SLX4: variants seen among roughly 807,000 people sequenced by gnomAD.
The protein encoded by SLX4 is structure-specific endonuclease subunit SLX4.
In SLX4, 112 loss-of-function variants were observed where a neutral mutation model predicts 146.2. The observed-to-expected ratio is 0.77, with a 90% confidence interval of 0.66 to 0.90. SLX4 has a LOEUF of 0.90. Among genes scored for constraint, SLX4 ranks in the 40% least tolerant of loss-of-function variants. The probability of loss-of-function intolerance (pLI) is 0.00; values close to 1 mark genes in which losing one functional copy is unlikely to be tolerated. For synonymous variants in SLX4, 1,061 were observed against 997.7 expected (o/e 1.06, Z -1.20); for missense variants, 2,563 against 2,392.7 (o/e 1.07, Z -1.49).
At chr16:3,594,675 A>G in intron 9 of SLX4, 76 bp from the exon 10 acceptor site, 3 of 1,601,858 alleles carry the variant, frequency 1.9e-6, no homozygotes, top group Non-Finnish European at 2.6e-6. Context: ...AGCTCCCCGC[A>G]TGGAGGTGGC....
Position 3,582,429 on chromosome 16 carries a change from G to C in SLX4, c.5418C>G (p.Ile1806Met), listed in dbSNP as rs886051976. The C allele has an allele frequency of 6.2e-7, 1 of 1,613,918 alleles. No homozygotes were observed. The highest frequency in any genetic ancestry group is 8.5e-7 in the Non-Finnish European group (1 of 1,180,030). ...RLLDFLDTHC[I>M]TFTTAATRRE... is the part of the protein sequence containing the mutation. ...TGCGGGTGGCGGCAGTGGTGAAGGT[G>C]ATACAGTGGGTGTCCAGGAAGTCCA... The change falls in exon 15 of 15, where the codon ATC becomes ATG. Residue 1806 changes from isoleucine to methionine, a missense_variant. Transcript: ENST00000294008.
chr16:3,601,555 G>C, intron 4 of SLX4: 1 of 356,934 alleles, frequency 2.8e-6, no homozygotes, highest in Non-Finnish European at 5.4e-6. Context: ...CCAAATGTCC[G>C]CCAATGGACG....
rs762537598 is a variant in SLX4 at position 3,608,956 on chromosome 16, C to G, written c.9G>C (p.Leu3=). MK[L]SVNEAQLGFY... is the part of the protein sequence containing the mutation. ...AGCCTAGCTGAGCCTCATTCACACT[C>G]AGTTTCATTAGGGTTCTTCTCTACT... The change falls in exon 2 of 15, where the codon CTG becomes CTC. Residue 3 remains leucine (L), a synonymous_variant. Transcript: ENST00000294008. The G allele has an allele frequency of 6.2e-7, 1 of 1,613,186 alleles. No homozygotes were observed. Among genetic ancestry groups the G allele is most frequent in the Admixed American group, 1.7e-5 (1 of 60,024 alleles).
rs1410941863 is a variant in SLX4, at chr16:3,600,387, A to G, written c.1163+592T>C. Among the ~76,000 whole-genome samples, 6 of 152,124 alleles carry G rather than the reference A, an allele frequency of 3.9e-5. No homozygotes were observed. In the East Asian group the frequency reaches 1.2e-3, roughly 29 times the overall value. Reference sequence around the variant, plus strand: ...ACTAGAGGGTACCGACTGTGGGATCATGGGATTGGAAACTCAGGAAGGACC... The same window carrying G: ...ACTAGAGGGTACCGACTGTGGGATCGTGGGATTGGAAACTCAGGAAGGACC... On this transcript the variant is annotated intron_variant, in intron 5 of 14. Coordinates refer to ENST00000294008, the MANE Select transcript of SLX4 (RefSeq NM_032444.4).
chr16:3,593,087 T>C (rs1596524167), intron 10 of SLX4, among the ~76,000 whole-genome samples: 2 of 152,176 alleles, frequency 1.3e-5, no homozygotes, highest in East Asian at 3.9e-4. Flanking sequence ...TTTTATTATT[T>C]TGAGTTGGAA....
chr16:3,611,295 C>A (rs1296158270), intron 1 of SLX4, among the ~76,000 whole-genome samples: 1 of 152,224 alleles, frequency 6.6e-6, no homozygotes, highest in African/African-American at 2.4e-5. Flanking sequence ...ACGGAGAACC[C>A]CGATCCCCGG....
Position 3,608,858 on chromosome 16 carries a change from T to C in SLX4, c.107A>G (p.Glu36Gly), listed in dbSNP as rs370082083. Reference protein sequence around the residue: ...IDPRSSEDQPESLKTGQMMDE... With the variant: ...IDPRSSEDQPGSLKTGQMMDE... ...CATCATCTGACCAGTTTTAAGGCTT[T>C]CAGGCTGGTCTTCAGAGGAGCGAGG... is the stretch of plus-strand genomic sequence containing the variant. The change falls in exon 2 of 15, where the codon GAA becomes GGA. Residue 36 changes from glutamate (E) to glycine (G), a missense_variant. Glu to Gly is a moderately conservative substitution (Grantham distance 98, BLOSUM62 -2). Coordinates refer to ENST00000294008, the MANE Select transcript of SLX4 (RefSeq NM_032444.4). The C allele has an allele frequency of 1.9e-6, 3 of 1,614,076 alleles. No individual in the cohort carries two copies. Among genetic ancestry groups the C allele is most frequent in the South Asian group, 1.1e-5 (1 of 91,090 alleles).
rs758007505 is a variant in SLX4 at position 3,590,884 on chromosome 16, G to C, written c.2754C>G (p.Thr918=). The part of the protein sequence containing the change: ...PLEPGRDEAA[T]TWEKMGQCAL... ...CGCACTGTCCCATCTTCTCCCAGGT[G>C]GTGGCGGCCTCATCTCTTCCTGGCT... Residue 918 remains threonine, a synonymous_variant, in exon 12 of 15, where the codon ACC becomes ACG. Coordinates refer to ENST00000294008, the MANE Select transcript of SLX4 (RefSeq NM_032444.4). The surrounding 1 kb of genome is among the most constrained non-coding windows in gnomAD (Gnocchi z 4.8). 17 of 1,614,090 alleles carry C rather than the reference G, an allele frequency of 1.1e-5. No homozygotes were observed. Among genetic ancestry groups the C allele is most frequent in the Non-Finnish European group, 1.3e-5 (15 of 1,180,002 alleles).
Position 3,582,286 on chromosome 16 carries a change from A to G in SLX4, c.*56T>C, listed in dbSNP as rs2040444855. 5 of 1,511,192 alleles carry G rather than the reference A, an allele frequency of 3.3e-6. No individual in the cohort carries two copies. Among genetic ancestry groups the G allele is most frequent in the African/African-American group, 1.4e-5 (1 of 73,300 alleles). The allele number at this position is 1,511,192 out of a possible 1,614,324, so 93.6% of individuals were successfully genotyped here. A position where few individuals can be genotyped will look rare whatever the true frequency, so the allele number is the denominator to read the frequency against. Reference sequence around the variant, plus strand: ...CTGGGTGTCCCAGGTCCTCCCTGCAAATGGCGGGGGTGGGGGCTGCTGATG... The same window carrying G: ...CTGGGTGTCCCAGGTCCTCCCTGCAGATGGCGGGGGTGGGGGCTGCTGATG... On this transcript the variant is annotated 3_prime_UTR_variant, in exon 15 of 15. Transcript: ENST00000294008.
chr16:3,598,649 G>A (rs1310356986), intron 5 of SLX4, among the ~76,000 whole-genome samples: 2 of 152,216 alleles, frequency 1.3e-5, no homozygotes, highest in Non-Finnish European at 2.9e-5. Context: ...GGGCAGAGGT[G>A]ACAAAGGAAC....
intron 13 of SLX4, among the ~76,000 whole-genome samples, chr16:3,584,562 A>G (rs534991169): frequency 6.6e-6 from 1 of 152,266 alleles, no homozygotes; most frequent in African/African-American, 2.4e-5. Context: ...GTACGCAGAG[A>G]GAACTGGGAG....
At chr16:3,611,170 A>G (rs984283439) in intron 1 of SLX4, among the ~76,000 whole-genome samples, 2 of 152,200 alleles carry the variant, frequency 1.3e-5, no homozygotes, top group Non-Finnish European at 2.9e-5. Flanking sequence ...GAATGAATGG[A>G]TCGGTAAGGG....
In SLX4 at chr16:3,589,705, G is replaced by C. The variant is rs374311917; in HGVS notation, c.3933C>G (p.Ile1311Met). 2 of 1,613,998 alleles carry C rather than the reference G, an allele frequency of 1.2e-6. No individual in the cohort carries two copies. The highest frequency in any genetic ancestry group is 2.7e-5 in the African/African-American group (2 of 75,036). Residue 1311 changes from isoleucine (I) to methionine (M), a missense_variant, in exon 12 of 15, where the codon ATC (isoleucine) becomes ATG (methionine). Transcript: ENST00000294008. This position sits in a 1 kb window ranked among gnomAD's most constrained non-coding sequence, Gnocchi z 6.2. ...GNEVAQKFSVIRPQTPPPQTP... is the reference protein window; with the variant it reads ...GNEVAQKFSVMRPQTPPPQTP... Reference sequence around the variant, plus strand: ...TCTGGGGCGGTGGTGTCTGGGGCCTGATGACAGAAAACTTCTGTGCGACTT... The same window carrying C: ...TCTGGGGCGGTGGTGTCTGGGGCCTCATGACAGAAAACTTCTGTGCGACTT...
chr16:3,608,797 A>G lies in SLX4; in HGVS notation c.168T>C (p.Ala56=), dbSNP rs2040815835. ...GTTTTTTCACCCTTTGGAAAAAGCTAGCGCAGAGTTCTTTAAAGTCCTCAT... is the reference window on the plus strand; with the variant it reads ...GTTTTTTCACCCTTTGGAAAAAGCTGGCGCAGAGTTCTTTAAAGTCCTCAT... ...ESDEDFKELC[A]SFFQRVKKHG... is the part of the protein sequence containing the mutation. Residue 56 remains alanine (A), a synonymous_variant, in exon 2 of 15, where the codon GCT becomes GCC. Transcript: ENST00000294008. 6.2e-7 allele frequency: 1 copy of G among 1,614,048 alleles called. No homozygotes were observed. The highest frequency in any genetic ancestry group is 1.3e-5 in the African/African-American group (1 of 74,902).
chr16:3,600,945 TTTGGC>T (rs1230327786), intron 5 of SLX4, 29 bp downstream of exon 5: 1 of 1,609,706 alleles, frequency 6.2e-7, no homozygotes, highest in South Asian at 1.1e-5. Flanking sequence ...CACAGCATTA[TTTGGC>T]TTGGTTTTCT....
rs183029626 is a variant in SLX4, at chr16:3,590,323, G to C, written c.3315C>G (p.Ser1105=). ...CCCCCTTATTTCTGCACTCCAGCAC[G>C]GACCGACGCTCTTTGCCTTTCTGGT... The part of the protein sequence containing the change: ...PGHQKGKERR[S]VLECRNKGVL... Residue 1105 remains serine (S), a synonymous_variant, in exon 12 of 15, where the codon TCC becomes TCG. Transcript: ENST00000294008. This position sits in a 1 kb window ranked among gnomAD's most constrained non-coding sequence, Gnocchi z 4.8. 1 of 1,614,000 alleles carries C rather than the reference G, an allele frequency of 6.2e-7. No individual in the cohort carries two copies. Among genetic ancestry groups the C allele is most frequent in the Non-Finnish European group, 8.5e-7 (1 of 1,179,980 alleles).
At chr16:3,593,982 C>T (rs1206844582) in intron 10 of SLX4, among the ~76,000 whole-genome samples, 2 of 152,158 alleles carry the variant, frequency 1.3e-5, no homozygotes, top group Non-Finnish European at 2.9e-5. Flanking sequence ...TGCCATTCTC[C>T]TGCCTCAGCC....
intron 10 of SLX4, among the ~76,000 whole-genome samples, chr16:3,594,023 C>T (rs868859815): frequency 3.5e-4 from 53 of 152,240 alleles, no homozygotes; most frequent in African/African-American, 1.2e-3. Context: ...AGGCGCCCGC[C>T]ACCATGCCCG....
rs140221223 is a variant in SLX4, at chr16:3,592,280, G to A, written c.2327+419C>T. Among the ~76,000 whole-genome samples, 272 of 152,384 alleles carry A rather than the reference G, an allele frequency of 1.8e-3. 3 individuals carry two copies. Among genetic ancestry groups the A allele is most frequent in the African/African-American group, 6.2e-3 (257 of 41,592 alleles). On this transcript the variant is annotated intron_variant, in intron 11 of 14. Coordinates refer to ENST00000294008, the MANE Select transcript of SLX4 (RefSeq NM_032444.4). The stretch of plus-strand genomic sequence containing the variant: ...GATGCTGGCTGGACAAGCCAGGAGA[G>A]CTGTGGCATCTGGGATGCAGCCTAA...
Sources: allele counts gnomAD v4.1 joint callset (sites outside exome capture counted in the v4.1 genomes callset), GRCh38; gene constraint gnomAD v4.1.1; non-coding constraint Gnocchi (gnomAD v3.1); transcripts MANE v1.5; gene names NCBI Gene and HGNC (gene_info 2026-07-23, HGNC 2026-07-21).